STRADA: variants seen among roughly 807,000 people sequenced by gnomAD.
STRADA encodes STE20-related kinase adapter protein alpha.
A neutral mutation model predicts 55.0 loss-of-function variants in STRADA; 26 were observed. That is an observed-to-expected ratio of 0.47 (90% confidence interval 0.35 to 0.66). STRADA has a LOEUF of 0.66. STRADA is among the 30% of genes least tolerant of loss of function. The pLI is 0.01. For missense variants in STRADA, 443 were observed against 549.7 expected (o/e 0.81, Z 1.94); for synonymous variants, 197 against 210.9 (o/e 0.93, Z 0.57).
chr17:63,739,790 T>G (rs1031673215), intron 1 of STRADA, among the ~76,000 whole-genome samples: 3 of 127,810 alleles, frequency 2.3e-5, no homozygotes, highest in Admixed American at 8.1e-5. Context: ...ATACATATAA[T>G]GTACATAATT....
chr17:63,720,926 G>A (rs1256107716), intron 4 of STRADA, among the ~76,000 whole-genome samples: 3 of 150,630 alleles, frequency 2.0e-5, no homozygotes, highest in Admixed American at 1.3e-4. Flanking sequence ...GTGAAACCCT[G>A]TCTCTACTGA....
At chr17:63,734,512 C>T (rs2038281525) in intron 1 of STRADA, among the ~76,000 whole-genome samples, 1 of 152,030 alleles carries the variant, frequency 6.6e-6, no homozygotes, top group Non-Finnish European at 1.5e-5. Context: ...GGCATGGTGG[C>T]ACTGGCCTGT....
At chr17:63,727,826 G>A (rs980445150) in intron 2 of STRADA, 4 of 152,228 alleles carry the variant, frequency 2.6e-5, no homozygotes, top group African/African-American at 7.2e-5. Context: ...AGAAACTCAT[G>A]AAATAATGGG....
At chr17:63,714,180 A>G in intron 4 of STRADA, 72 bp from the exon 5 acceptor site, 1 of 1,125,074 alleles carries the variant, frequency 8.9e-7, no homozygotes. Flanking sequence ...GAAGGTGGTA[A>G]TTCAGACCCA....
intron 1 of STRADA, among the ~76,000 whole-genome samples, chr17:63,738,491 T>C (rs911731912): frequency 6.6e-6 from 1 of 152,176 alleles, no homozygotes; most frequent in African/African-American, 2.4e-5. Context: ...CTGTCTCTCC[T>C]GTCAGTGGAA....
chr17:63,740,297 G>C (rs914822077), intron 1 of STRADA, among the ~76,000 whole-genome samples: 1 of 151,104 alleles, frequency 6.6e-6, no homozygotes. Flanking sequence ...GATCACCTGA[G>C]GTCAGGACCT....
intron 6 of STRADA, among the ~76,000 whole-genome samples, chr17:63,712,874 G>A (rs1048322090): frequency 6.6e-6 from 1 of 151,858 alleles, no homozygotes; most frequent in Admixed American, 6.6e-5. Context: ...GGTGGTGTGC[G>A]CCTATAGTCC....
intron 1 of STRADA, among the ~76,000 whole-genome samples, chr17:63,738,948 G>A (rs567456996): frequency 1.7e-4 from 26 of 151,870 alleles, no homozygotes; most frequent in Non-Finnish European, 3.4e-4. Flanking sequence ...TCAGGAGATC[G>A]AGACCATCCT....
At chr17:63,721,879 A>T (rs1213828127) in intron 4 of STRADA, among the ~76,000 whole-genome samples, 2 of 152,192 alleles carry the variant, frequency 1.3e-5, no homozygotes, top group Non-Finnish European at 2.9e-5. Flanking sequence ...TACTTTGTGG[A>T]TATTGTATAG....
At chr17:63,728,228 G>T (rs192882589) in intron 2 of STRADA, 106 bp downstream of exon 2, 2 of 1,027,148 alleles carry the variant, frequency 1.9e-6, no homozygotes, top group Non-Finnish European at 1.5e-6. Flanking sequence ...CCTCACTTCC[G>T]TATCATTCCG....
chr17:63,715,456 G>A (rs2036804282), intron 4 of STRADA: 1 of 152,226 alleles, frequency 6.6e-6, no homozygotes, highest in Non-Finnish European at 1.5e-5. Flanking sequence ...TTGTTGTTTT[G>A]TTGCTGTTGT....
At chr17:63,711,258 C>T (rs189743355) in intron 6 of STRADA, among the ~76,000 whole-genome samples, 1 of 152,358 alleles carries the variant, frequency 6.6e-6, no homozygotes, top group African/African-American at 2.4e-5. Flanking sequence ...TGGTCTCAAA[C>T]TCCTGGGCTC....
intron 1 of STRADA, among the ~76,000 whole-genome samples, chr17:63,740,183 C>CT (rs2038837121): frequency 7.1e-6 from 1 of 140,402 alleles, no homozygotes; most frequent in Non-Finnish European, 1.5e-5. Flanking sequence ...CACACACACA[C>CT]AACAAAGCAA....
chr17:63,716,661 T>TTCCA (rs1455158920), intron 4 of STRADA, among the ~76,000 whole-genome samples: 4 of 152,092 alleles, frequency 2.6e-5, no homozygotes, highest in African/African-American at 4.8e-5. Flanking sequence ...TGGAAAAAGT[T>TTCCA]TCCATGTCCA....
intron 10 of STRADA, chr17:63,704,870 T>G: frequency 6.5e-7 from 1 of 1,536,092 alleles, no homozygotes. Flanking sequence ...GCTCTCCCTT[T>G]CCAAGGCATC....
chr17:63,737,693 T>C (rs1261902416), intron 1 of STRADA, among the ~76,000 whole-genome samples: 2 of 152,124 alleles, frequency 1.3e-5, no homozygotes, highest in South Asian at 2.1e-4. Context: ...AGTGTAAAAA[T>C]AGAGGGATTC....
chr17:63,734,500 C>T (rs934350021), intron 1 of STRADA, among the ~76,000 whole-genome samples: 4 of 151,980 alleles, frequency 2.6e-5, no homozygotes, highest in East Asian at 1.9e-4. Flanking sequence ...AAAAATTAGC[C>T]GGGCATGGTG....
In STRADA at chr17:63,710,758, G is replaced by A. The variant is rs1414656290; in HGVS notation, c.427C>T (p.Leu143=). ...YRATFIADNE[L]WVVTSFMAYG... ...GCCATGAATGATGTGACAACCCACAGCTCATTGTCTGCAATAAAAGTGGCT... is the reference window on the plus strand; with the variant it reads ...GCCATGAATGATGTGACAACCCACAACTCATTGTCTGCAATAAAAGTGGCT... Residue 143 remains leucine (L), a synonymous_variant, in exon 7 of 13, where the codon CTG becomes TTG. Coordinates refer to ENST00000336174, the MANE Select transcript of STRADA (RefSeq NM_001003787.4). The A allele has an allele frequency of 1.3e-5, 21 of 1,614,196 alleles. No homozygotes were observed. The highest frequency in any genetic ancestry group is 1.6e-5 in the Non-Finnish European group (19 of 1,180,030).
chr17:63,726,424 T>C, intron 3 of STRADA: 1 of 473,308 alleles, frequency 2.1e-6, no homozygotes, highest in Non-Finnish European at 3.7e-6. Flanking sequence ...AAGTAAATAC[T>C]GGCTTTCTAA....
Sources: allele counts gnomAD v4.1 joint callset (sites outside exome capture counted in the v4.1 genomes callset), GRCh38; gene constraint gnomAD v4.1.1; transcripts MANE v1.5; gene names NCBI Gene and HGNC (gene_info 2026-07-23, HGNC 2026-07-21).